ADIPOR2: variants seen among roughly 807,000 people sequenced by gnomAD.
The protein encoded by ADIPOR2 is adiponectin receptor 2.
Under a neutral mutation model 40.9 loss-of-function variants are expected in ADIPOR2, and 18 were observed. That is an observed-to-expected ratio of 0.44 (90% CI 0.30 to 0.65). The LOEUF is 0.65. ADIPOR2 is among the 30% of genes least tolerant of loss of function. The pLI is 0.09. For missense variants in ADIPOR2, 283 were observed against 479.2 expected, an observed-to-expected ratio of 0.59 and a Z score of 3.82; for synonymous variants, 165 against 166.4, an observed-to-expected ratio of 0.99 and a Z score of 0.06.
At chr12:1,736,631 T>TA (rs1704640291) in intron 1 of ADIPOR2, among the ~76,000 whole-genome samples, 1 of 152,212 alleles carries the variant, frequency 6.6e-6, no homozygotes, top group Non-Finnish European at 1.5e-5. Flanking sequence ...GCTCTGATCT[T>TA]AGTTATTTCT....
intron 1 of ADIPOR2, among the ~76,000 whole-genome samples, chr12:1,738,242 A>C (rs749758347): frequency 2.0e-5 from 3 of 149,888 alleles, no homozygotes; most frequent in Non-Finnish European, 4.4e-5. Flanking sequence ...TTAACCAGGC[A>C]TGGTGGTATG....
chr12:1,754,206 A>G (rs913455007), intron 1 of ADIPOR2, 52 bp from the exon 2 acceptor site: 4 of 734,874 alleles, frequency 5.4e-6, no homozygotes, highest in African/African-American at 1.8e-5. Flanking sequence ...TATAACTGAT[A>G]TTTTCCCCAG....
intron 7 of ADIPOR2, among the ~76,000 whole-genome samples, chr12:1,784,971 A>G (rs890707384): frequency 2.0e-5 from 3 of 152,198 alleles, no homozygotes; most frequent in African/African-American, 7.2e-5. Flanking sequence ...CTAGCTTCAA[A>G]TTAGCTAATT....
In ADIPOR2 at chr12:1,786,032, T is replaced by A. The variant is rs757534843; in HGVS notation, c.1121T>A (p.Phe374Tyr). Residue 374 changes from phenylalanine to tyrosine, a missense_variant, in exon 8 of 8, where the codon TTC becomes TAC. Phe to Tyr is a conservative substitution (Grantham distance 22, BLOSUM62 3). This residue lies in a region of ADIPOR2 where 106 missense variants were observed against 149.7 expected (regional missense o/e 0.71). Coordinates refer to ENST00000357103, the MANE Select transcript of ADIPOR2 (RefSeq NM_024551.3). ...HGVSNLQEFRFMIGGGCSEED... is the reference protein window; with the variant it reads ...HGVSNLQEFRYMIGGGCSEED... ...GTCTCAAACCTCCAGGAGTTTCGTT[T>A]CATGATCGGCGGGGGCTGCAGTGAA... 1 of 1,614,166 alleles carries A rather than the reference T, an allele frequency of 6.2e-7. No individual in the cohort carries two copies. Among genetic ancestry groups the A allele is most frequent in the East Asian group, 2.2e-5 (1 of 44,888 alleles).
Position 1,783,963 on chromosome 12 carries a change from A to G in ADIPOR2, c.922A>G (p.Ile308Val), listed in dbSNP as rs1376010896. 3 of 1,613,866 alleles carry G rather than the reference A, an allele frequency of 1.9e-6. No homozygotes were observed. Among genetic ancestry groups the G allele is most frequent in the South Asian group, 1.1e-5 (1 of 91,008 alleles). ...GGAGGGGTTCCTTAAGGCCGCCACCATAGGGCAGATAGGCTGGTTGATGCT... is the reference window on the plus strand; with the variant it reads ...GGAGGGGTTCCTTAAGGCCGCCACCGTAGGGCAGATAGGCTGGTTGATGCT... ...ISEGFLKAATIGQIGWLMLMA... is the reference protein window; with the variant it reads ...ISEGFLKAATVGQIGWLMLMA... The change falls in exon 7 of 8, where the codon ATA becomes GTA. Residue 308 changes from isoleucine (I) to valine (V), a missense_variant. Transcript: ENST00000357103.
chr12:1,744,628 C>T (rs1439996709), intron 1 of ADIPOR2, among the ~76,000 whole-genome samples: 2 of 152,212 alleles, frequency 1.3e-5, no homozygotes, highest in Non-Finnish European at 2.9e-5. Flanking sequence ...TGAGCCACCA[C>T]ATCTGACCTA....
chr12:1,713,190 G>C (rs2094681038), intron 1 of ADIPOR2, among the ~76,000 whole-genome samples: 2 of 152,080 alleles, frequency 1.3e-5, no homozygotes, highest in South Asian at 4.1e-4. Context: ...CAGAGTGCAG[G>C]GGAATACAGA....
At chr12:1,762,437 A>G (rs1272367277) in intron 2 of ADIPOR2, among the ~76,000 whole-genome samples, 1 of 152,088 alleles carries the variant, frequency 6.6e-6, no homozygotes, top group East Asian at 1.9e-4. Context: ...TCAGAGTCTA[A>G]CCTGGTCTTT....
chr12:1,767,237 C>T (rs1862400414), intron 2 of ADIPOR2, among the ~76,000 whole-genome samples: 1 of 138,682 alleles, frequency 7.2e-6, no homozygotes, highest in South Asian at 2.2e-4. Flanking sequence ...CGCCATCACA[C>T]TCCAGCCTGG....
intron 2 of ADIPOR2, among the ~76,000 whole-genome samples, chr12:1,772,359 A>G (rs1488695665): frequency 1.3e-5 from 2 of 152,144 alleles, no homozygotes; most frequent in Non-Finnish European, 2.9e-5. Flanking sequence ...TAGATGACCT[A>G]TATATAAAGC....
chr12:1,725,421 A>G (rs563194223), intron 1 of ADIPOR2, among the ~76,000 whole-genome samples: 32 of 152,266 alleles, frequency 2.1e-4, no homozygotes, highest in African/African-American at 7.0e-4. Flanking sequence ...CACCTGGCCA[A>G]ATGTCCCAAA....
In ADIPOR2 at chr12:1,744,577, T is replaced by C. The variant is rs1352765921; in HGVS notation, c.-86-9681T>C. Among the ~76,000 whole-genome samples, 5 of 152,168 alleles carry C rather than the reference T, an allele frequency of 3.3e-5. No homozygotes were observed. In the East Asian group the frequency reaches 9.6e-4, roughly 29 times the overall value. ...ATCTTGAACTCCTGACCTCAAGTGA[T>C]CCACCTGCCTTGGCCTCCCAAAGTG... On this transcript the variant is annotated intron_variant, in intron 1 of 7. Transcript: ENST00000357103.
chr12:1,758,869 C>T (rs191421350), intron 2 of ADIPOR2, among the ~76,000 whole-genome samples: 32 of 152,270 alleles, frequency 2.1e-4, no homozygotes, highest in African/African-American at 7.7e-4. Context: ...CTTCTCAAAA[C>T]TATACTCTGA....
intron 1 of ADIPOR2, among the ~76,000 whole-genome samples, chr12:1,717,829 TG>T (rs2094690637): frequency 6.6e-6 from 1 of 152,202 alleles, no homozygotes; most frequent in South Asian, 2.1e-4. Context: ...TAAAATATAA[TG>T]TATTTTGTTC....
At chr12:1,699,093 C>A (rs955766359) in intron 1 of ADIPOR2, among the ~76,000 whole-genome samples, 6 of 151,994 alleles carry the variant, frequency 3.9e-5, no homozygotes, top group Admixed American at 2.0e-4. Context: ...TATCACTGAT[C>A]AAAAAGAATC....
At chr12:1,743,030 T>C (rs1379239631) in intron 1 of ADIPOR2, among the ~76,000 whole-genome samples, 2 of 152,074 alleles carry the variant, frequency 1.3e-5, no homozygotes, top group African/African-American at 4.8e-5. Flanking sequence ...AATATAGCAG[T>C]CCTAGAGGGA....
At chr12:1,783,573 A>G (rs1202863789) in intron 6 of ADIPOR2, among the ~76,000 whole-genome samples, 1 of 151,552 alleles carries the variant, frequency 6.6e-6, no homozygotes, top group African/African-American at 2.4e-5. Flanking sequence ...TACTTTTTGG[A>G]TGTTTAGTAG....
At chr12:1,733,353 C>T (rs1363380944) in intron 1 of ADIPOR2, among the ~76,000 whole-genome samples, 1 of 152,162 alleles carries the variant, frequency 6.6e-6, no homozygotes. Flanking sequence ...TTATCATTCA[C>T]AGATGCTCCC....
At chr12:1,773,047 G>A (rs1316083062) in intron 3 of ADIPOR2, 86 bp downstream of exon 3, 1 of 1,462,634 alleles carries the variant, frequency 6.8e-7, no homozygotes, top group African/African-American at 1.4e-5. Context: ...TAGTACTATA[G>A]CCTTTGGTTT....
Sources: gnomAD v4.1 joint callset for allele counts (sites outside exome capture counted in the v4.1 genomes callset) on GRCh38, gnomAD v4.1.1 for gene constraint, gnomAD v4.1.1 regional missense constraint, MANE v1.5 for transcripts, NCBI Gene and HGNC (gene_info 2026-07-23, HGNC 2026-07-21) for gene names.